Variants in TAX1BP1 observed in about 807,000 individuals in gnomAD.
TAX1BP1 encodes tax1-binding protein 1.
Under a neutral mutation model 97.7 loss-of-function variants are expected in TAX1BP1, and 62 were observed. The observed-to-expected ratio is 0.63, with a 90% CI of 0.52 to 0.78. TAX1BP1 has a LOEUF of 0.78. Ranked by LOEUF, TAX1BP1 falls within the 30% of genes least tolerant of loss-of-function variation. The pLI is 0.00. For synonymous variants in TAX1BP1, 340 were observed against 304.2 expected (o/e 1.12, Z -1.23); for missense variants, 867 against 916.1 (o/e 0.95, Z 0.69).
At chr7:27,740,997 A>G (rs1478854859) in intron 1 of TAX1BP1, among the ~76,000 whole-genome samples, 1 of 152,192 alleles carries the variant, frequency 6.6e-6, no homozygotes, top group African/African-American at 2.4e-5. Context: ...CCTTATTAGT[A>G]AAAAATTGAG....
rs537825382 is a variant in TAX1BP1, at chr7:27,755,911, C to T, written c.163-2120C>T. Among the ~76,000 whole-genome samples, 6 of 152,252 alleles carry T rather than the reference C, an allele frequency of 3.9e-5. No individual in the cohort carries two copies. The South Asian group carries it at 1.2e-3, about 32-fold the overall frequency. ...CAAAGTGTTGCCATGTTCTCCCTGC[C>T]ATTTTTCAATGTTTGAAAATTGCTG... On this transcript the variant is annotated intron_variant, in intron 2 of 16. Transcript: ENST00000396319.
Position 27,816,368 on chromosome 7 carries a change from A to G in TAX1BP1, c.1784A>G (p.Glu595Gly), listed in dbSNP as rs1307897958. 1 of 1,578,210 alleles carries G rather than the reference A, an allele frequency of 6.3e-7. No individual in the cohort carries two copies. The highest frequency in any genetic ancestry group is 2.0e-5 in the Admixed American group (1 of 49,766). Residue 595 changes from glutamate (E) to glycine (G), a missense_variant, in exon 14 of 17, where the codon GAA (glutamate) becomes GGA (glycine). Around this residue, in one of 3 missense-constraint regions of TAX1BP1, gnomAD observed 822 missense variants for 851.4 expected, o/e 0.97. Transcript: ENST00000396319. Reference protein sequence around the residue: ...DNYKELKRSLENPAERKMEGQ... With the variant: ...DNYKELKRSLGNPAERKMEGQ... The stretch of plus-strand genomic sequence containing the variant: ...TTTTAGGAACTTAAAAGGAGTCTAG[A>G]AAATCCAGCAGAAAGGAAAATGGAA...
At chr7:27,799,834 T>G (rs144156647) in intron 12 of TAX1BP1, 131 bp from the exon 13 acceptor site, 56 of 557,086 alleles carry the variant, frequency 1.0e-4, no homozygotes, top group Non-Finnish European at 1.3e-4. Flanking sequence ...AATAGACATT[T>G]GATTATTCCA....
Position 27,796,083 on chromosome 7 carries a change from T to C in TAX1BP1, c.1535-33T>C. ...GAAGATAATATAAGGGGCAAAATAC[T>C]TTTTAACAGTCTTATATTCTGCCTT... On this transcript the variant is annotated intron_variant, in intron 11 of 16. Coordinates refer to ENST00000396319, the MANE Select transcript of TAX1BP1 (RefSeq NM_006024.7). 3 of 1,544,436 alleles carry C rather than the reference T, an allele frequency of 1.9e-6. No individual in the cohort carries two copies. The South Asian group carries it at 3.6e-5, about 18-fold the overall frequency.
At chr7:27,823,644 T>C (rs765554117) in intron 15 of TAX1BP1, among the ~76,000 whole-genome samples, 1 of 152,190 alleles carries the variant, frequency 6.6e-6, no homozygotes, top group Non-Finnish European at 1.5e-5. Context: ...GTAGAATAAA[T>C]ATAAAATTTG....
At position 27,796,231 on chromosome 7, in the gene TAX1BP1, A is replaced by G. The variant is rs1789928442; in HGVS notation, c.1638+12A>G. On this transcript the variant is annotated intron_variant, in intron 12 of 16. Coordinates refer to ENST00000396319, the MANE Select transcript of TAX1BP1 (RefSeq NM_006024.7). ...AACAACTCTTGCAGGTAAGTTAACTACCTTGTAAGTGAAAGAGATTTATAA... is the reference window on the plus strand; with the variant it reads ...AACAACTCTTGCAGGTAAGTTAACTGCCTTGTAAGTGAAAGAGATTTATAA... The G allele has an allele frequency of 6.5e-7, 1 of 1,528,640 alleles. No homozygotes were observed. Among genetic ancestry groups the G allele is most frequent in the Non-Finnish European group, 8.8e-7 (1 of 1,131,818 alleles). 94.7% of individuals were successfully genotyped at this position (1,528,640 alleles called of 1,614,324 possible).
intron 5 of TAX1BP1, among the ~76,000 whole-genome samples, chr7:27,770,735 G>C (rs1011209389): frequency 5.3e-5 from 8 of 152,084 alleles, no homozygotes; most frequent in Non-Finnish European, 8.8e-5. Flanking sequence ...TGTTATACAA[G>C]TAAGTCTTAA....
At chr7:27,773,741 G>A (rs1788930065) in intron 5 of TAX1BP1, among the ~76,000 whole-genome samples, 2 of 151,918 alleles carry the variant, frequency 1.3e-5, no homozygotes, top group South Asian at 2.1e-4. Context: ...GTGTTTCATT[G>A]TGTTCTTGTT....
intron 1 of TAX1BP1, among the ~76,000 whole-genome samples, chr7:27,747,299 A>T (rs1198914221): frequency 1.3e-5 from 2 of 152,206 alleles, no homozygotes; most frequent in East Asian, 3.9e-4. Context: ...AAAGTAGAGC[A>T]CAAAATAGGG....
intron 2 of TAX1BP1, among the ~76,000 whole-genome samples, chr7:27,753,284 A>T (rs1337325326): frequency 6.6e-6 from 1 of 152,074 alleles, no homozygotes; most frequent in Non-Finnish European, 1.5e-5. Flanking sequence ...TGGGCGACAG[A>T]GCGAGACTCC....
intron 3 of TAX1BP1, 111 bp from the exon 4 acceptor site, chr7:27,765,722 AT>A (rs1032136677): frequency 5.4e-6 from 5 of 928,678 alleles, no homozygotes. Context: ...CATATCCCAG[AT>A]TCTTGTCAAG....
chr7:27,766,970 G>T (rs909583791), intron 4 of TAX1BP1, among the ~76,000 whole-genome samples: 3 of 152,082 alleles, frequency 2.0e-5, no homozygotes, highest in African/African-American at 7.2e-5. Context: ...TACTGTTTTT[G>T]TAAATAGAAT....
At chr7:27,763,009 C>G (rs978642542) in intron 3 of TAX1BP1, among the ~76,000 whole-genome samples, 1 of 152,134 alleles carries the variant, frequency 6.6e-6, no homozygotes, top group South Asian at 2.1e-4. Context: ...TCTGAAAATT[C>G]AACAGTTCAT....
At chr7:27,747,812 C>T (rs1382088267) in intron 1 of TAX1BP1, among the ~76,000 whole-genome samples, 1 of 151,674 alleles carries the variant, frequency 6.6e-6, no homozygotes, top group Non-Finnish European at 1.5e-5. Flanking sequence ...TACACACCCA[C>T]AGACACACAT....
intron 13 of TAX1BP1, chr7:27,803,183 A>G (rs534251561): frequency 2.6e-6 from 4 of 1,538,574 alleles, no homozygotes; most frequent in Middle Eastern, 1.7e-4. Context: ...GGGAGAAGGT[A>G]TTGAGCAATG....
chr7:27,748,634 C>T lies in TAX1BP1; in HGVS notation c.110C>T (p.Thr37Ile), dbSNP rs1225906802. ...AATGCACACCTGGAATGTCATTACA[C>T]CTTAACTCCATATATTCATCCACAT... ...LPNAHLECHYTLTPYIHPHPK... is the reference protein window; with the variant it reads ...LPNAHLECHYILTPYIHPHPK... The change falls in exon 2 of 17, where the codon ACC becomes ATC. Residue 37 changes from threonine to isoleucine, a missense_variant. Transcript: ENST00000396319. 6.3e-7 allele frequency: 1 copy of T among 1,593,206 alleles called. No individual in the cohort carries two copies. Among genetic ancestry groups the T allele is most frequent in the East Asian group, 2.3e-5 (1 of 44,270 alleles).
intron 7 of TAX1BP1, 121 bp downstream of exon 7, chr7:27,785,610 T>C: frequency 1.3e-6 from 1 of 769,602 alleles, no homozygotes; most frequent in Non-Finnish European, 2.1e-6. Flanking sequence ...TCTAGCCTCT[T>C]GTGTAGTTGC....
At chr7:27,808,503 G>T (rs903316686) in intron 13 of TAX1BP1, among the ~76,000 whole-genome samples, 1 of 152,130 alleles carries the variant, frequency 6.6e-6, no homozygotes, top group Non-Finnish European at 1.5e-5. Flanking sequence ...AGGGTGGAGG[G>T]TGTAAAATTT....
intron 13 of TAX1BP1, among the ~76,000 whole-genome samples, chr7:27,812,947 T>C (rs112103492): frequency 2.0e-5 from 3 of 152,296 alleles, no homozygotes; most frequent in Admixed American, 6.5e-5. Flanking sequence ...ATGACTGCAA[T>C]TGCAGAGACA....
Sources: allele counts gnomAD v4.1 joint callset (sites outside exome capture counted in the v4.1 genomes callset), GRCh38; gene constraint gnomAD v4.1.1; regional missense constraint gnomAD v4.1.1; transcripts MANE v1.5; gene names NCBI Gene and HGNC (gene_info 2026-07-23, HGNC 2026-07-21).